The following SLC17A1 variants were observed in gnomAD, a reference collection of about 807,000 sequenced individuals.
The protein encoded by SLC17A1 is solute carrier family 17 member 1.
Under a neutral mutation model 53.5 loss-of-function variants are expected in SLC17A1, and 51 were observed. The observed-to-expected ratio is 0.95, with a 90% CI of 0.76 to 1.20. The LOEUF (loss-of-function observed/expected upper bound fraction) is 1.20, where lower values mean the gene tolerates loss of function less well. Ranked by LOEUF, SLC17A1 falls within the 50% of genes most tolerant of loss-of-function variation. The probability of loss-of-function intolerance (pLI) is 0.00; values close to 1 mark genes in which losing one functional copy is unlikely to be tolerated. For synonymous variants in SLC17A1, 179 were observed against 198.8 expected (o/e 0.90, Z 0.84); for missense variants, 538 against 568.2 (o/e 0.95, Z 0.54).
chr6:25,725,886 C>G, the SLC17A1 span, among the ~76,000 whole-genome samples: 1 of 152,146 alleles, frequency 6.6e-6, no homozygotes, highest in Non-Finnish European at 1.5e-5. Flanking sequence ...TAAGCCACCT[C>G]GCCCAGTGAC....
chr6:25,726,930 G>C, the SLC17A1 span: 9 of 1,613,534 alleles, frequency 5.6e-6, no homozygotes, highest in Non-Finnish European at 7.6e-6. Flanking sequence ...GTCATCTAAA[G>C]GTGCTACCAT....
chr6:25,770,566 G>C, the SLC17A1 span: 2 of 1,130,936 alleles, frequency 1.8e-6, no homozygotes, highest in African/African-American at 1.5e-5. Context: ...ATCAATCTCT[G>C]TGTCTTCATA....
intron 12 of SLC17A1, among the ~76,000 whole-genome samples, chr6:25,786,712 G>C (rs1763390478): frequency 6.6e-6 from 1 of 152,090 alleles, no homozygotes; most frequent in South Asian, 2.1e-4. Flanking sequence ...CTGACAATGG[G>C]GCCAAACAAG....
At chr6:25,751,763 T>C in the SLC17A1 span, among the ~76,000 whole-genome samples, 2 of 152,210 alleles carry the variant, frequency 1.3e-5, no homozygotes, top group Non-Finnish European at 2.9e-5. Flanking sequence ...ATCAGTTTAT[T>C]GGCTTTCATC....
the SLC17A1 span, chr6:25,726,339 G>A: frequency 2.9e-4 from 470 of 1,614,146 alleles, 3 homozygotes; most frequent in African/African-American, 3.5e-3. Flanking sequence ...CCAGCTCAAG[G>A]ATTTCTGCTG....
chr6:25,761,922 T>A, the SLC17A1 span: 10 of 1,507,374 alleles, frequency 6.6e-6, no homozygotes, highest in Non-Finnish European at 9.2e-6. Flanking sequence ...TTCTTTTTAT[T>A]TCAGTAAGTA....
At chr6:25,726,810 C>T in the SLC17A1 span, 37 of 1,392,396 alleles carry the variant, frequency 2.7e-5, no homozygotes, top group African/African-American at 2.3e-4. Context: ...GAGCTGAGGT[C>T]ATTTGGAGCT....
At chr6:25,818,112 C>T (rs1223004484) in intron 6 of SLC17A1, among the ~76,000 whole-genome samples, 2 of 152,160 alleles carry the variant, frequency 1.3e-5, no homozygotes, top group Non-Finnish European at 2.9e-5. Context: ...CAGTAGGCCC[C>T]CATGTCCTCT....
rs773394681 is a variant in SLC17A1 at position 25,800,893 on chromosome 6, C to G, written c.1266G>C (p.Lys422Asn). 4 of 1,583,354 alleles carry G rather than the reference C, an allele frequency of 2.5e-6. No homozygotes were observed. The highest frequency in any genetic ancestry group is 3.5e-6 in the Non-Finnish European group (4 of 1,152,416). Residue 422 changes from lysine to asparagine, a missense_variant, in exon 11 of 13, where the codon AAG becomes AAC. Lys to Asn is a moderately conservative substitution (Grantham distance 94). Transcript: ENST00000244527. ...TACACATCTGTATGTTTCTTACCTGCTTAAGGATCAATCCAGTCAAAGTGG... is the reference window on the plus strand; with the variant it reads ...TACACATCTGTATGTTTCTTACCTGGTTAAGGATCAATCCAGTCAAAGTGG... ...IASTLTGLIL[K>N]QDPESAWFKT...
chr6:25,822,577 G>A (rs1254186335), intron 3 of SLC17A1, among the ~76,000 whole-genome samples: 1 of 152,090 alleles, frequency 6.6e-6, no homozygotes, highest in Admixed American at 6.6e-5. Flanking sequence ...GATGGCAAAA[G>A]GTTTCATGGG....
the SLC17A1 span, chr6:25,773,763 A>C: frequency 7.0e-7 from 1 of 1,424,270 alleles, no homozygotes; most frequent in Non-Finnish European, 9.5e-7. Flanking sequence ...TCCCATAGTC[A>C]CAAAATCGGG....
the SLC17A1 span, chr6:25,726,026 G>A: frequency 2.0e-6 from 2 of 997,202 alleles, no homozygotes; most frequent in South Asian, 2.1e-5. Context: ...GTTAACAGCA[G>A]TAACGTTTTG....
chr6:25,732,005 A>C, the SLC17A1 span: 2 of 1,563,876 alleles, frequency 1.3e-6, no homozygotes, highest in Non-Finnish European at 1.7e-6. Context: ...AAGAGATTCC[A>C]GTGTCCGCGT....
At chr6:25,806,071 C>T (rs1429943254) in intron 10 of SLC17A1, among the ~76,000 whole-genome samples, 1 of 151,900 alleles carries the variant, frequency 6.6e-6, no homozygotes, top group Admixed American at 6.6e-5. Flanking sequence ...AAGGCTATAA[C>T]AGAAAAAGAA....
intron 2 of SLC17A1, 27 bp from the exon 3 acceptor site, chr6:25,826,660 T>C: frequency 6.6e-7 from 1 of 1,518,364 alleles, no homozygotes; most frequent in Non-Finnish European, 8.9e-7. Flanking sequence ...AAAGTCGCAA[T>C]TGCTGACAGA....
the SLC17A1 span, among the ~76,000 whole-genome samples, chr6:25,768,131 G>A: frequency 9.2e-5 from 14 of 152,258 alleles, no homozygotes; most frequent in Middle Eastern, 3.4e-3. Flanking sequence ...AGATTTTCAT[G>A]GGTGGTGCAT....
intron 10 of SLC17A1, 134 bp downstream of exon 10, chr6:25,811,264 A>T: frequency 1.1e-6 from 1 of 881,330 alleles, no homozygotes; most frequent in Non-Finnish European, 1.8e-6. Flanking sequence ...TGTGTGAGGT[A>T]ATGCATATGT....
chr6:25,802,819 T>C (rs1763820893), intron 10 of SLC17A1, among the ~76,000 whole-genome samples: 1 of 151,976 alleles, frequency 6.6e-6, no homozygotes, highest in Admixed American at 6.6e-5. Context: ...TCTCTCTTTC[T>C]GTCACCTCCT....
At chr6:25,748,617 C>T in the SLC17A1 span, among the ~76,000 whole-genome samples, 1 of 152,218 alleles carries the variant, frequency 6.6e-6, no homozygotes, top group African/African-American at 2.4e-5. Flanking sequence ...GCTCAGCATA[C>T]GGAGGACCTG....
Sources: gnomAD v4.1 joint callset for allele counts (sites outside exome capture counted in the v4.1 genomes callset) on GRCh38, gnomAD v4.1.1 for gene constraint, MANE v1.5 for transcripts, NCBI Gene and HGNC (gene_info 2026-07-23, HGNC 2026-07-21) for gene names.